Variants in UBE2E2 observed in about 807,000 individuals in gnomAD.
UBE2E2 encodes ubiquitin-conjugating enzyme E2 E2.
In UBE2E2, 6 loss-of-function variants were observed where a neutral mutation model predicts 24.7. That is an observed-to-expected ratio of 0.24 (90% CI 0.13 to 0.48). UBE2E2 has a LOEUF of 0.48. Among genes scored for constraint, UBE2E2 ranks in the 20% least tolerant of loss-of-function variants. UBE2E2 has a pLI of 0.99. For missense variants in UBE2E2, 169 were observed against 245.0 expected (o/e 0.69, Z 2.07); for synonymous variants, 104 against 83.6 (o/e 1.24, Z -1.33).
intron 3 of UBE2E2, among the ~76,000 whole-genome samples, chr3:23,300,939 G>C (rs1699063558): frequency 6.6e-6 from 1 of 152,100 alleles, no homozygotes; most frequent in African/African-American, 2.4e-5. Context: ...CGTAGATTTG[G>C]TCTTTTCACA....
At chr3:23,457,140 C>A (rs1186622265) in intron 3 of UBE2E2, among the ~76,000 whole-genome samples, 5 of 152,182 alleles carry the variant, frequency 3.3e-5, no homozygotes, top group African/African-American at 7.2e-5. Flanking sequence ...GTAAAGGCAG[C>A]ACCCGAGCAG....
intron 3 of UBE2E2, among the ~76,000 whole-genome samples, chr3:23,382,136 C>G (rs1448114762): frequency 6.7e-6 from 1 of 149,920 alleles, no homozygotes; most frequent in Non-Finnish European, 1.5e-5. Context: ...TATCAACAAA[C>G]TAAGGTGATT....
At chr3:23,484,118 T>C (rs1430631620) in intron 3 of UBE2E2, among the ~76,000 whole-genome samples, 1 of 152,212 alleles carries the variant, frequency 6.6e-6, no homozygotes, top group African/African-American at 2.4e-5. Context: ...TCCTGGTATA[T>C]CTGCTGTTCT....
At chr3:23,271,308 G>T (rs949622441) in intron 3 of UBE2E2, 4 of 293,380 alleles carry the variant, frequency 1.4e-5, no homozygotes, top group Non-Finnish European at 2.0e-5. Flanking sequence ...CTTCCTTCTG[G>T]TGGGTTTGTG....
intron 3 of UBE2E2, among the ~76,000 whole-genome samples, chr3:23,263,075 T>C (rs923268331): frequency 2.0e-5 from 3 of 152,084 alleles, no homozygotes; most frequent in African/African-American, 7.2e-5. Context: ...GAAGGAACTT[T>C]TAGGTGAGAG....
At chr3:23,523,111 A>G (rs1246269139) in intron 4 of UBE2E2, among the ~76,000 whole-genome samples, 1 of 152,238 alleles carries the variant, frequency 6.6e-6, no homozygotes, top group African/African-American at 2.4e-5. Flanking sequence ...TTTAGAAAAG[A>G]ACCAGTGAAC....
At chr3:23,547,401 C>T (rs1695548831) in intron 5 of UBE2E2, among the ~76,000 whole-genome samples, 1 of 152,204 alleles carries the variant, frequency 6.6e-6, no homozygotes, top group Admixed American at 6.5e-5. Flanking sequence ...CTGTATACTT[C>T]TCTTAGTTCT....
chr3:23,535,098 G>A (rs770573577), intron 5 of UBE2E2, among the ~76,000 whole-genome samples: 1 of 152,198 alleles, frequency 6.6e-6, no homozygotes, highest in African/African-American at 2.4e-5. Flanking sequence ...AGCAGATGTA[G>A]ATTTGAAAAC....
At chr3:23,409,727 A>T (rs1188291132) in intron 3 of UBE2E2, among the ~76,000 whole-genome samples, 1 of 152,198 alleles carries the variant, frequency 6.6e-6, no homozygotes, top group Non-Finnish European at 1.5e-5. Flanking sequence ...GAAGTCTGAA[A>T]TCAAGGTATC....
intron 3 of UBE2E2, among the ~76,000 whole-genome samples, chr3:23,301,566 G>T (rs1430421506): frequency 6.6e-6 from 1 of 152,220 alleles, no homozygotes; most frequent in African/African-American, 2.4e-5. Context: ...CTGTTTGCCT[G>T]GGTCTCAGCA....
At chr3:23,501,357 C>T (rs1374895732) in intron 4 of UBE2E2, among the ~76,000 whole-genome samples, 1 of 152,098 alleles carries the variant, frequency 6.6e-6, no homozygotes, top group African/African-American at 2.4e-5. Flanking sequence ...TGACTTTCTC[C>T]ACTGAGTCGT....
At chr3:23,443,533 G>C (rs1265528377) in intron 3 of UBE2E2, among the ~76,000 whole-genome samples, 1 of 152,148 alleles carries the variant, frequency 6.6e-6, no homozygotes, top group Non-Finnish European at 1.5e-5. Context: ...GTCTCCCATT[G>C]GCCAAAGATT....
chr3:23,257,926 T>G (rs1270742389), intron 3 of UBE2E2, among the ~76,000 whole-genome samples: 1 of 151,670 alleles, frequency 6.6e-6, no homozygotes, highest in Non-Finnish European at 1.5e-5. Flanking sequence ...TTTAGATCTC[T>G]TTCGTCTATT....
At chr3:23,285,480 A>G (rs1008046486) in intron 3 of UBE2E2, among the ~76,000 whole-genome samples, 1 of 152,110 alleles carries the variant, frequency 6.6e-6, no homozygotes, top group Non-Finnish European at 1.5e-5. Flanking sequence ...GTACTAATTT[A>G]TGTTCCCACC....
At chr3:23,425,268 A>G (rs1697898694) in intron 3 of UBE2E2, among the ~76,000 whole-genome samples, 1 of 152,176 alleles carries the variant, frequency 6.6e-6, no homozygotes, top group Admixed American at 6.5e-5. Context: ...GCTGGGGTCT[A>G]ACCCAGTTCT....
At chr3:23,587,688 A>G (rs1202556825) in intron 5 of UBE2E2, among the ~76,000 whole-genome samples, 1 of 152,202 alleles carries the variant, frequency 6.6e-6, no homozygotes, top group Non-Finnish European at 1.5e-5. Flanking sequence ...CTTAAGCTCA[A>G]GTGAAAGGCT....
At chr3:23,343,038 A>G (rs765901975) in intron 3 of UBE2E2, among the ~76,000 whole-genome samples, 5 of 152,076 alleles carry the variant, frequency 3.3e-5, no homozygotes, top group Admixed American at 2.6e-4. Context: ...AAAAACTCTT[A>G]AAACTTACCC....
At position 23,585,298 on chromosome 3, in the gene UBE2E2, G is replaced by T. The variant is rs568846581; in HGVS notation, c.509-4436G>T. Among the ~76,000 whole-genome samples, 17 of 151,558 alleles carry T rather than the reference G, an allele frequency of 1.1e-4. No individual in the cohort carries two copies. The South Asian group carries it at 3.6e-3, about 32-fold the overall frequency. ...GAGGCAGGAGGATTGCTTGAGCCCA[G>T]GGGTCAAGGCTGCAGTGAGCTATGA... On this transcript the variant is annotated intron_variant, in intron 5 of 5. Transcript: ENST00000396703.
intron 3 of UBE2E2, among the ~76,000 whole-genome samples, chr3:23,268,102 C>T (rs1441341395): frequency 6.6e-6 from 1 of 151,722 alleles, no homozygotes; most frequent in Non-Finnish European, 1.5e-5. Flanking sequence ...CAATATCATA[C>T]TGAATGGGCA....
Sources: allele counts gnomAD v4.1 joint callset (sites outside exome capture counted in the v4.1 genomes callset), GRCh38; gene constraint gnomAD v4.1.1; transcripts MANE v1.5; gene names NCBI Gene and HGNC (gene_info 2026-07-23, HGNC 2026-07-21).